SPMAP2: variants seen among roughly 807,000 people sequenced by gnomAD.
The protein encoded by SPMAP2 is Theg homolog.
chr19:374,994 A>G, the SPMAP2 span, among the ~76,000 whole-genome samples: 1 of 152,276 alleles, frequency 6.6e-6, no homozygotes, highest in Middle Eastern at 3.4e-3. Flanking sequence ...GAGCCCCATG[A>G]GGGCAGGGCA....
At chr19:363,804 G>A in the SPMAP2 span, among the ~76,000 whole-genome samples, 4 of 151,914 alleles carry the variant, frequency 2.6e-5, no homozygotes, top group Admixed American at 6.6e-5. Flanking sequence ...CAAAGTACTG[G>A]GATTACAGGT....
the SPMAP2 span, chr19:373,606 G>A: frequency 4.7e-6 from 7 of 1,489,044 alleles, no homozygotes; most frequent in Non-Finnish European, 6.5e-6. Flanking sequence ...CTGGGTCTCT[G>A]CCAGGAGGGT....
chr19:374,209 C>G, the SPMAP2 span: 1 of 1,566,788 alleles, frequency 6.4e-7, no homozygotes, highest in Non-Finnish European at 8.7e-7. Flanking sequence ...GGGAGGGGAG[C>G]CGAGCAGTGG....
chr19:373,601 T>G, the SPMAP2 span: 2 of 1,512,490 alleles, frequency 1.3e-6, no homozygotes, highest in Non-Finnish European at 1.8e-6. Flanking sequence ...CAAGCCTGGG[T>G]CTCTGCCAGG....
At chr19:367,874 T>C in the SPMAP2 span, among the ~76,000 whole-genome samples, 45 of 152,114 alleles carry the variant, frequency 3.0e-4, no homozygotes, top group Non-Finnish European at 2.2e-4. Context: ...CCATTTTTTT[T>C]CTCCATAAAT....
At chr19:375,642 G>A in the SPMAP2 span, 2 of 1,535,036 alleles carry the variant, frequency 1.3e-6, no homozygotes, top group African/African-American at 2.8e-5. Flanking sequence ...CACCCAGGCA[G>A]GCCCGTTCCC....
chr19:375,542 A>G, the SPMAP2 span: 1 of 1,112,528 alleles, frequency 9.0e-7, no homozygotes, highest in Non-Finnish European at 1.2e-6. Context: ...GGGAGCAGCG[A>G]GCCAGGCCGG....
the SPMAP2 span, among the ~76,000 whole-genome samples, chr19:364,626 C>A: frequency 0.38 from 57,564 of 151,914 alleles, 11,562 homozygotes; most frequent in Non-Finnish European, 0.45. Context: ...TGGTTCACCC[C>A]CCTCTCCACC....
At chr19:372,419 C>A in the SPMAP2 span, among the ~76,000 whole-genome samples, 1 of 152,272 alleles carries the variant, frequency 6.6e-6, no homozygotes. Flanking sequence ...GCTGGCAATG[C>A]AGTTGCACGG....
At chr19:375,974 C>T in the SPMAP2 span, 4 of 1,395,598 alleles carry the variant, frequency 2.9e-6, no homozygotes, top group South Asian at 1.8e-5. Context: ...CCCCCATACA[C>T]CGGTCCCTTC....
chr19:370,848 C>T, the SPMAP2 span, among the ~76,000 whole-genome samples: 8 of 92,568 alleles, frequency 8.6e-5, no homozygotes, highest in African/African-American at 1.8e-4. Context: ...TTCAGACTTT[C>T]GGAAAAGCAA....
chr19:371,204 C>A, the SPMAP2 span: 24 of 1,446,936 alleles, frequency 1.7e-5, no homozygotes, highest in East Asian at 6.2e-4. Context: ...GGGGCACCCA[C>A]CTCAGACATG....
At chr19:373,512 C>T in the SPMAP2 span, 73 of 1,613,188 alleles carry the variant, frequency 4.5e-5, no homozygotes, top group Middle Eastern at 1.6e-4. Flanking sequence ...AGGAACCGCT[C>T]GGTCCAGTAC....
chr19:375,223 T>C, the SPMAP2 span, among the ~76,000 whole-genome samples: 12 of 152,284 alleles, frequency 7.9e-5, no homozygotes, highest in East Asian at 2.3e-3. Context: ...CCAGAACGTG[T>C]TCCTCCCGAC....
At chr19:367,912 A>G in the SPMAP2 span, among the ~76,000 whole-genome samples, 3 of 152,120 alleles carry the variant, frequency 2.0e-5, no homozygotes, top group Non-Finnish European at 4.4e-5. Context: ...GAAAACAGTA[A>G]TGAGGGAAAG....
chr19:367,125 C>T, the SPMAP2 span: 5 of 1,613,074 alleles, frequency 3.1e-6, no homozygotes, highest in Admixed American at 1.7e-5. Flanking sequence ...GGCACGGGGT[C>T]CCACTCTTCC....
At chr19:371,221 C>T in the SPMAP2 span, 1 of 1,485,490 alleles carries the variant, frequency 6.7e-7, no homozygotes, top group African/African-American at 1.4e-5. Context: ...CATGGGCATG[C>T]TCCAGAAGTT....
the SPMAP2 span, chr19:375,643 G>T: frequency 6.5e-7 from 1 of 1,534,316 alleles, no homozygotes; most frequent in Non-Finnish European, 8.8e-7. Flanking sequence ...ACCCAGGCAG[G>T]CCCGTTCCCC....
At chr19:369,744 A>G in the SPMAP2 span, among the ~76,000 whole-genome samples, 1 of 152,224 alleles carries the variant, frequency 6.6e-6, no homozygotes, top group Admixed American at 6.5e-5. Context: ...GTTTTGGGAT[A>G]GGTGGTGAAG....
Sources: allele counts gnomAD v4.1 joint callset (sites outside exome capture counted in the v4.1 genomes callset), GRCh38; gene constraint gnomAD v4.1.1; transcripts MANE v1.5; gene names NCBI Gene and HGNC (gene_info 2026-07-23, HGNC 2026-07-21).